The following ENTREP2 variants were observed in gnomAD, a reference collection of about 807,000 sequenced individuals.
ENTREP2 encodes endosomal transmembrane epsin interactor 2, also known as protein ENTREP2.
At chr15:29,308,669 G>A in the ENTREP2 span, among the ~76,000 whole-genome samples, 6,191 of 152,246 alleles carry the variant, frequency 0.041, 403 homozygotes, top group African/African-American at 0.14. Context: ...AGCTGCAGTG[G>A]TACCTTGCAC....
the ENTREP2 span, among the ~76,000 whole-genome samples, chr15:29,403,341 A>G: frequency 7.9e-5 from 12 of 152,286 alleles, no homozygotes; most frequent in African/African-American, 2.6e-4. Flanking sequence ...ATGAAGTGGG[A>G]AGGTAGATTG....
the ENTREP2 span, among the ~76,000 whole-genome samples, chr15:29,444,238 GAAAGAAAGAAA>G: frequency 7.0e-6 from 1 of 142,668 alleles, no homozygotes; most frequent in East Asian, 2.1e-4. Context: ...AAGAAAGAAA[GAAAGAAAGAAA>G]GAGAAAGAGA....
the ENTREP2 span, among the ~76,000 whole-genome samples, chr15:29,203,947 G>T: frequency 6.6e-6 from 1 of 152,204 alleles, no homozygotes; most frequent in African/African-American, 2.4e-5. Flanking sequence ...AGGGAGGGGA[G>T]ATCAGCTTGT....
At chr15:29,256,422 C>A in the ENTREP2 span, among the ~76,000 whole-genome samples, 1 of 152,218 alleles carries the variant, frequency 6.6e-6, no homozygotes, top group African/African-American at 2.4e-5. Flanking sequence ...ATCTGTATCT[C>A]CTTTCAACCA....
the ENTREP2 span, among the ~76,000 whole-genome samples, chr15:29,182,743 A>G: frequency 1.3e-5 from 2 of 152,130 alleles, no homozygotes; most frequent in African/African-American, 4.8e-5. Flanking sequence ...AGTTCTAAAG[A>G]GGGGAAGAGT....
chr15:29,484,596 A>C, the ENTREP2 span, among the ~76,000 whole-genome samples: 4 of 152,104 alleles, frequency 2.6e-5, no homozygotes, highest in Admixed American at 2.6e-4. Context: ...CATACTTCAT[A>C]TTTGCTTGTC....
chr15:29,616,970 G>T, the ENTREP2 span, among the ~76,000 whole-genome samples: 5 of 152,198 alleles, frequency 3.3e-5, no homozygotes, highest in Non-Finnish European at 7.3e-5. Context: ...TGAGGCAAGA[G>T]AATCACTTGA....
At chr15:29,556,964 G>A in the ENTREP2 span, among the ~76,000 whole-genome samples, 1 of 152,318 alleles carries the variant, frequency 6.6e-6, no homozygotes, top group South Asian at 2.1e-4. Context: ...AAACACCTGG[G>A]AGTGCATAAT....
At chr15:29,624,025 A>G in the ENTREP2 span, among the ~76,000 whole-genome samples, 1 of 152,226 alleles carries the variant, frequency 6.6e-6, no homozygotes, top group African/African-American at 2.4e-5. Context: ...GGCGTGAGCC[A>G]CCGCACCAGG....
At chr15:29,555,486 G>C in the ENTREP2 span, among the ~76,000 whole-genome samples, 1 of 152,106 alleles carries the variant, frequency 6.6e-6, no homozygotes, top group South Asian at 2.1e-4. Flanking sequence ...TAACAACAAA[G>C]TATTAAACTG....
the ENTREP2 span, among the ~76,000 whole-genome samples, chr15:29,129,468 A>G: frequency 1.3e-5 from 2 of 151,934 alleles, no homozygotes; most frequent in Admixed American, 6.6e-5. Context: ...GTGGCTTTCG[A>G]TTTCTTTTTC....
chr15:29,286,607 G>A, the ENTREP2 span, among the ~76,000 whole-genome samples: 34 of 152,094 alleles, frequency 2.2e-4, no homozygotes, highest in African/African-American at 6.0e-4. Context: ...CCCCGGCCTC[G>A]GAGGCTGACA....
At chr15:29,186,549 T>G in the ENTREP2 span, among the ~76,000 whole-genome samples, 7 of 152,158 alleles carry the variant, frequency 4.6e-5, no homozygotes, top group African/African-American at 1.7e-4. Context: ...GCATTAGACC[T>G]TAAAAATGTC....
the ENTREP2 span, among the ~76,000 whole-genome samples, chr15:29,545,290 T>A: frequency 2.0e-5 from 3 of 152,200 alleles, no homozygotes; most frequent in Non-Finnish European, 2.9e-5. Flanking sequence ...AATGCAGACA[T>A]CTGGTAGTTT....
chr15:29,536,861 C>T, the ENTREP2 span, among the ~76,000 whole-genome samples: 1 of 151,946 alleles, frequency 6.6e-6, no homozygotes, highest in Non-Finnish European at 1.5e-5. Context: ...AGACTGCAAA[C>T]CAAGGAATGC....
chr15:29,622,254 T>C, the ENTREP2 span, among the ~76,000 whole-genome samples: 195 of 152,262 alleles, frequency 1.3e-3, 1 homozygote, highest in African/African-American at 4.5e-3. Flanking sequence ...TTGCCCAGGC[T>C]GGGGGCAATG....
At chr15:29,360,690 G>A in the ENTREP2 span, among the ~76,000 whole-genome samples, 12 of 152,162 alleles carry the variant, frequency 7.9e-5, no homozygotes, top group African/African-American at 2.9e-4. Context: ...CTTATACCAC[G>A]TGGAACAGGA....
chr15:29,457,170 C>T, the ENTREP2 span, among the ~76,000 whole-genome samples: 4 of 152,174 alleles, frequency 2.6e-5, no homozygotes, highest in Non-Finnish European at 4.4e-5. Flanking sequence ...GCACAGAAGC[C>T]GGCATGGTTC....
the ENTREP2 span, chr15:29,121,635 A>G: frequency 1.3e-5 from 2 of 152,232 alleles, no homozygotes; most frequent in Non-Finnish European, 2.9e-5. Context: ...ACTTGAGGAA[A>G]ATTAGAGATT....
Sources: gnomAD v4.1 joint callset for allele counts (sites outside exome capture counted in the v4.1 genomes callset) on GRCh38, gnomAD v4.1.1 for gene constraint, MANE v1.5 for transcripts, NCBI Gene and HGNC (gene_info 2026-07-23, HGNC 2026-07-21) for gene names.